THAP12: variants seen among roughly 807,000 people sequenced by gnomAD.
The protein encoded by THAP12 is THAP domain containing 12, also known as 52 kDa repressor of the inhibitor of the protein kinase.
Under a neutral mutation model 63.0 loss-of-function variants are expected in THAP12, and 20 were observed. That is an observed-to-expected ratio of 0.32 (90% CI 0.22 to 0.46). The LOEUF (loss-of-function observed/expected upper bound fraction) is 0.46, where lower values mean the gene tolerates loss of function less well. THAP12 is among the 20% of genes least tolerant of loss of function. The pLI, the probability that THAP12 is intolerant of heterozygous loss-of-function variation, is 1.00. For synonymous variants in THAP12, 264 were observed against 328.4 expected (o/e 0.80, Z 2.12); for missense variants, 568 against 908.2 (o/e 0.63, Z 4.81).
chr11:76,352,824 A>G, intron 4 of THAP12, 30 bp from the exon 5 acceptor site: 4 of 1,504,190 alleles, frequency 2.7e-6, no homozygotes, highest in Non-Finnish European at 3.5e-6. Flanking sequence ...TTTTACAAAC[A>G]GGCTCATGAA....
intron 1 of THAP12, among the ~76,000 whole-genome samples, chr11:76,377,249 G>A (rs1316124365): frequency 2.0e-5 from 3 of 152,120 alleles, no homozygotes; most frequent in African/African-American, 4.8e-5. Flanking sequence ...TTTCTTTGAG[G>A]TGAAATTCTC....
intron 4 of THAP12, among the ~76,000 whole-genome samples, chr11:76,354,711 C>T (rs914882499): frequency 6.6e-6 from 1 of 152,196 alleles, no homozygotes; most frequent in Non-Finnish European, 1.5e-5. Flanking sequence ...CCATGGAAAT[C>T]AGGTCCCTGT....
chr11:76,372,980 G>A (rs2134514793), intron 1 of THAP12, among the ~76,000 whole-genome samples: 1 of 152,194 alleles, frequency 6.6e-6, no homozygotes, highest in East Asian at 1.9e-4. Context: ...CATTTCTGCA[G>A]GGCCTTTAAA....
Position 76,380,785 on chromosome 11 carries a change from C to G in THAP12, c.52G>C (p.Asp18His). The change falls in exon 1 of 5, where the codon GAC becomes CAC. Residue 18 changes from aspartate to histidine, a missense_variant. Transcript: ENST00000260045. ...CGCGGGAACCTGAAGAAGGCCAAGT[C>G]GGACTGCGTGCTCTTCCGCGTGCAG... is the stretch of plus-strand genomic sequence containing the variant. ...PNCTRKSTQS[D>H]LAFFRFPRDP... 1 of 1,466,894 alleles carries G rather than the reference C, an allele frequency of 6.8e-7. No homozygotes were observed. The highest frequency in any genetic ancestry group is 1.3e-5 in the South Asian group (1 of 76,900). The allele number at this position is 1,466,894 out of a possible 1,614,324, so 90.9% of individuals were successfully genotyped here.
intron 1 of THAP12, among the ~76,000 whole-genome samples, chr11:76,371,560 G>A (rs1420605146): frequency 6.6e-6 from 1 of 152,130 alleles, no homozygotes; most frequent in African/African-American, 2.4e-5. Context: ...TTCCCACAGT[G>A]TAAACATGCC....
intron 2 of THAP12, among the ~76,000 whole-genome samples, chr11:76,362,795 GAT>G (rs1468002118): frequency 9.9e-5 from 15 of 152,116 alleles, no homozygotes; most frequent in Admixed American, 9.8e-4. Flanking sequence ...ATAAAGCAAA[GAT>G]ATTATAGATC....
At chr11:76,371,446 G>A (rs1946673704) in intron 1 of THAP12, among the ~76,000 whole-genome samples, 1 of 152,200 alleles carries the variant, frequency 6.6e-6, no homozygotes, top group South Asian at 2.1e-4. Context: ...ATATGTGGGT[G>A]TATGTGTATG....
At chr11:76,378,828 C>T (rs1321765221) in intron 1 of THAP12, among the ~76,000 whole-genome samples, 5 of 151,944 alleles carry the variant, frequency 3.3e-5, no homozygotes, top group East Asian at 3.9e-4. Context: ...AGGCTGGTCT[C>T]GAACTCCTGA....
At chr11:76,357,448 G>C (rs1946568902) in intron 3 of THAP12, 1 of 152,058 alleles carries the variant, frequency 6.6e-6, no homozygotes, top group African/African-American at 2.4e-5. Context: ...TAAGTCCTCA[G>C]TTGTAAGATG....
Position 76,352,154 on chromosome 11 carries a change from G to C in THAP12, c.996C>G (p.Val332=), listed in dbSNP as rs1348729038. The change falls in exon 5 of 5, where the codon GTC becomes GTG. Residue 332 remains valine, a synonymous_variant. Transcript: ENST00000260045. ...TCATTTTGGAAGAAAATCCACTAGAGACAATGTAAGCCTGGCCACGACAAT... is the reference window on the plus strand; with the variant it reads ...TCATTTTGGAAGAAAATCCACTAGACACAATGTAAGCCTGGCCACGACAAT... ...MEYCRGQAYI[V]SSGFSSKMKV... 1.7e-5 allele frequency: 28 copies of C among 1,611,616 alleles called. No individual in the cohort carries two copies. Among genetic ancestry groups the C allele is most frequent in the Non-Finnish European group, 2.4e-5 (28 of 1,179,684 alleles).
intron 1 of THAP12, 149 bp downstream of exon 1, chr11:76,380,599 T>G: frequency 2.0e-6 from 1 of 502,270 alleles, no homozygotes; most frequent in Non-Finnish European, 2.9e-6. Flanking sequence ...CGGCTCCCCA[T>G]CTCGGTCCAA....
intron 1 of THAP12, among the ~76,000 whole-genome samples, chr11:76,374,749 T>C (rs988427205): frequency 3.9e-5 from 6 of 152,300 alleles, no homozygotes; most frequent in South Asian, 2.1e-4. Context: ...AGTTCTGACA[T>C]TGTGGACTCC....
Position 76,351,574 on chromosome 11 carries a change from C to G in THAP12, c.1576G>C (p.Glu526Gln). The G allele has an allele frequency of 6.3e-7, 1 of 1,583,446 alleles. No homozygotes were observed. The highest frequency in any genetic ancestry group is 1.1e-5 in the South Asian group (1 of 87,704). The change falls in exon 5 of 5, where the codon GAA becomes CAA. Residue 526 changes from glutamate (E) to glutamine (Q), a missense_variant. Coordinates refer to ENST00000260045, the MANE Select transcript of THAP12 (RefSeq NM_004705.4). ...AATTCATGATAAACTTCAATATTTT[C>G]CATCACTTCGTTGAGTGAATGCAGT... ...AVLHSLNEVMENIEVYHEFWF... is the reference protein window; with the variant it reads ...AVLHSLNEVMQNIEVYHEFWF...
At chr11:76,362,677 A>G (rs577394792) in intron 2 of THAP12, among the ~76,000 whole-genome samples, 4 of 152,366 alleles carry the variant, frequency 2.6e-5, no homozygotes, top group Non-Finnish European at 5.9e-5. Flanking sequence ...GCAAAAACAC[A>G]TACACAGTCA....
In THAP12 at chr11:76,351,565, C is replaced by A; in HGVS notation, c.1585G>T (p.Glu529Ter). 1 of 1,582,100 alleles carries A rather than the reference C, an allele frequency of 6.3e-7. No homozygotes were observed. Among genetic ancestry groups the A allele is most frequent in the Non-Finnish European group, 8.6e-7 (1 of 1,160,828 alleles). The change falls in exon 5 of 5, where the codon GAA (glutamate) becomes TAA (stop). Residue 529 changes from glutamate (E) to a stop codon, truncating the protein, a stop_gained. Coordinates refer to ENST00000260045, the MANE Select transcript of THAP12 (RefSeq NM_004705.4). LOFTEE classifies it high-confidence loss of function. ...TCAAACCAAAATTCATGATAAACTT[C>A]AATATTTTCCATCACTTCGTTGAGT... ...HSLNEVMENI[E>*]VYHEFWFEEA...
At chr11:76,371,066 T>C (rs931387032) in intron 1 of THAP12, among the ~76,000 whole-genome samples, 1 of 152,108 alleles carries the variant, frequency 6.6e-6, no homozygotes, top group Non-Finnish European at 1.5e-5. Flanking sequence ...CCCAAATCCA[T>C]CTGCTTCTCT....
chr11:76,354,957 C>T (rs1459726295), intron 4 of THAP12, among the ~76,000 whole-genome samples: 1 of 152,196 alleles, frequency 6.6e-6, no homozygotes, highest in African/African-American at 2.4e-5. Flanking sequence ...AGGGAAATAA[C>T]AGTACTTATC....
At chr11:76,368,258 A>C (rs1384887573) in intron 1 of THAP12, among the ~76,000 whole-genome samples, 1 of 152,246 alleles carries the variant, frequency 6.6e-6, no homozygotes, top group Non-Finnish European at 1.5e-5. Context: ...GAACTACTTA[A>C]GAATAAATCT....
intron 3 of THAP12, chr11:76,358,619 AC>A (rs1946576959): frequency 1.3e-5 from 2 of 152,146 alleles, no homozygotes; most frequent in African/African-American, 4.8e-5. Flanking sequence ...AAACTGGGCA[AC>A]ATGGCATGAC....
Sources: gnomAD v4.1 joint callset for allele counts (sites outside exome capture counted in the v4.1 genomes callset) on GRCh38, gnomAD v4.1.1 for gene constraint, MANE v1.5 for transcripts, NCBI Gene and HGNC (gene_info 2026-07-23, HGNC 2026-07-21) for gene names.